ERAP1: variants seen among roughly 807,000 people sequenced by gnomAD.
ERAP1 encodes adipocyte-derived leucine aminopeptidase.
In ERAP1, 86 loss-of-function variants were observed where a neutral mutation model predicts 103.7. That is an observed-to-expected ratio of 0.83 (90% CI 0.70 to 0.99). The LOEUF is 0.99. Among genes scored for constraint, ERAP1 ranks in the 50% least tolerant of loss-of-function variants. The pLI is 0.00. For missense variants in ERAP1, 1,009 were observed against 1,128.4 expected, an observed-to-expected ratio of 0.89 and a Z score of 1.52; for synonymous variants, 398 against 402.4, an observed-to-expected ratio of 0.99 and a Z score of 0.13.
the ERAP1 span, among the ~76,000 whole-genome samples, chr5:96,820,969 G>A: frequency 3.1e-4 from 6 of 19,276 alleles, no homozygotes; most frequent in Non-Finnish European, 7.2e-4. Context: ...AGGAAGAAGA[G>A]GAAGAGAGAG....
chr5:96,764,202 A>C (rs997348580), intron 19 of ERAP1, among the ~76,000 whole-genome samples: 7 of 152,202 alleles, frequency 4.6e-5, no homozygotes, highest in African/African-American at 1.4e-4. Flanking sequence ...AATACTAATA[A>C]TAATTTACCA....
At chr5:96,909,279 G>T in the ERAP1 span, among the ~76,000 whole-genome samples, 10 of 152,194 alleles carry the variant, frequency 6.6e-5, no homozygotes, top group Non-Finnish European at 1.5e-4. Flanking sequence ...CTTTACCATT[G>T]CCAATCCTAA....
the ERAP1 span, among the ~76,000 whole-genome samples, chr5:96,916,496 C>G: frequency 8.9e-6 from 1 of 112,384 alleles, no homozygotes; most frequent in Non-Finnish European, 1.7e-5. Context: ...GAGTCTTGCT[C>G]TGTTGCCCAG....
the ERAP1 span, among the ~76,000 whole-genome samples, chr5:96,821,441 C>T: frequency 2.6e-5 from 4 of 152,262 alleles, no homozygotes; most frequent in South Asian, 2.1e-4. Context: ...CTTTTGGGTT[C>T]CCTTTTTGGT....
chr5:96,824,281 C>A, the ERAP1 span, among the ~76,000 whole-genome samples: 1 of 152,164 alleles, frequency 6.6e-6, no homozygotes, highest in African/African-American at 2.4e-5. Flanking sequence ...AAACACATTC[C>A]TCTGGCAATC....
At chr5:96,862,438 G>T in the ERAP1 span, among the ~76,000 whole-genome samples, 2 of 152,120 alleles carry the variant, frequency 1.3e-5, no homozygotes, top group Non-Finnish European at 2.9e-5. Context: ...TGAAATTGCG[G>T]CTGCCAACCT....
At chr5:96,763,764 A>G (rs1768827566) in intron 19 of ERAP1, among the ~76,000 whole-genome samples, 1 of 152,238 alleles carries the variant, frequency 6.6e-6, no homozygotes, top group Admixed American at 6.5e-5. Context: ...CATACACTGA[A>G]AGCATTTGAA....
At chr5:96,905,542 T>C in the ERAP1 span, among the ~76,000 whole-genome samples, 1 of 152,228 alleles carries the variant, frequency 6.6e-6, no homozygotes, top group Non-Finnish European at 1.5e-5. Context: ...CTGTTCTTTC[T>C]CAATACTATA....
chr5:96,767,691 T>C (rs1412499023), intron 19 of ERAP1, among the ~76,000 whole-genome samples: 1 of 152,214 alleles, frequency 6.6e-6, no homozygotes. Context: ...GCTCAGAGAA[T>C]GCTAAGCAAC....
chr5:96,856,266 C>T, the ERAP1 span, among the ~76,000 whole-genome samples: 17 of 133,704 alleles, frequency 1.3e-4, no homozygotes, highest in Admixed American at 8.0e-5. Context: ...TTGCAGTGAG[C>T]CAAGATTGCA....
chr5:96,777,757 T>C (rs565899708), intron 18 of ERAP1, among the ~76,000 whole-genome samples: 1 of 152,326 alleles, frequency 6.6e-6, no homozygotes, highest in African/African-American at 2.4e-5. Flanking sequence ...GAGCTCATCA[T>C]GATAGCTCCA....
chr5:96,858,778 T>C, the ERAP1 span, among the ~76,000 whole-genome samples: 25 of 152,186 alleles, frequency 1.6e-4, 1 homozygote, highest in Admixed American at 1.2e-3. Context: ...TGTAAATAGA[T>C]AGTTACTGTA....
chr5:96,891,432 G>C, the ERAP1 span, among the ~76,000 whole-genome samples: 1 of 143,734 alleles, frequency 7.0e-6, no homozygotes, highest in African/African-American at 2.6e-5. Context: ...CACATATACA[G>C]GTACATATAT....
chr5:96,913,489 T>C, the ERAP1 span: 2 of 1,611,706 alleles, frequency 1.2e-6, no homozygotes, highest in African/African-American at 1.3e-5. Context: ...ATGTTTGTTC[T>C]TCCATGCAGA....
At chr5:96,782,139 T>C (rs1404112687) in intron 15 of ERAP1, among the ~76,000 whole-genome samples, 1 of 151,272 alleles carries the variant, frequency 6.6e-6, no homozygotes, top group African/African-American at 2.4e-5. Context: ...GCCTCCCGAG[T>C]AGCTGGGACT....
chr5:96,774,919 C>T lies in ERAP1; in HGVS notation c.*1477G>A. 1.0e-6 allele frequency: 1 copy of T among 983,072 alleles called. No homozygotes were observed. The highest frequency in any genetic ancestry group is 1.2e-6 in the Non-Finnish European group (1 of 828,640). The allele number at this position is 983,072 out of a possible 1,614,324, so 60.9% of individuals were successfully genotyped here. On this transcript the variant is annotated 3_prime_UTR_variant, in exon 19 of 19. Transcript: ENST00000443439. ...GAACACATTTTGACATTTTTCGTAC[C>T]AATCATCAATCATATTCCCTTATCT...
At chr5:96,872,049 T>G in the ERAP1 span, among the ~76,000 whole-genome samples, 1 of 152,202 alleles carries the variant, frequency 6.6e-6, no homozygotes, top group Admixed American at 6.5e-5. Context: ...AAGCCCATAA[T>G]ATAGACTCTG....
downstream of ERAP1, chr5:96,769,818 G>A (rs960812998): frequency 2.0e-5 from 3 of 149,604 alleles, no homozygotes; most frequent in Non-Finnish European, 4.4e-5. Flanking sequence ...CTACATATAA[G>A]TGAAATCACT....
intron 11 of ERAP1, among the ~76,000 whole-genome samples, chr5:96,787,302 G>A (rs1411272822): frequency 2.6e-5 from 4 of 152,166 alleles, no homozygotes; most frequent in Non-Finnish European, 4.4e-5. Flanking sequence ...TTTCGCTCTT[G>A]TTGTCCAGGC....
Sources: allele counts gnomAD v4.1 joint callset (sites outside exome capture counted in the v4.1 genomes callset), GRCh38; gene constraint gnomAD v4.1.1; transcripts MANE v1.5; gene names NCBI Gene and HGNC (gene_info 2026-07-23, HGNC 2026-07-21).